TRAK2: variants seen among roughly 807,000 people sequenced by gnomAD.
TRAK2 encodes the protein trafficking kinesin protein 2.
A neutral mutation model predicts 104.6 loss-of-function variants in TRAK2; 81 were observed. That is an observed-to-expected ratio of 0.77 (90% CI 0.65 to 0.93). TRAK2 has a LOEUF of 0.93. TRAK2 is among the 40% of genes least tolerant of loss of function. TRAK2 has a pLI of 0.00. For missense variants in TRAK2, 1,002 were observed against 1,089.0 expected (o/e 0.92, Z 1.12); for synonymous variants, 406 against 394.4 (o/e 1.03, Z -0.35).
chr2:201,404,386 C>G (rs968339554), intron 3 of TRAK2, among the ~76,000 whole-genome samples: 1 of 152,106 alleles, frequency 6.6e-6, no homozygotes, highest in African/African-American at 2.4e-5. Context: ...ATCAGGGAGA[C>G]GATAGATATT....
Position 201,395,428 on chromosome 2 carries a change from C to T in TRAK2, c.786G>A (p.Gln262=), listed in dbSNP as rs1050373996. The T allele has an allele frequency of 1.9e-6, 3 of 1,547,914 alleles. No homozygotes were observed. Among genetic ancestry groups the T allele is most frequent in the African/African-American group, 1.4e-5 (1 of 73,782 alleles). Residue 262 remains glutamine (Q), a synonymous_variant, in exon 8 of 16, where the codon CAG becomes CAA. Coordinates refer to ENST00000332624, the MANE Select transcript of TRAK2 (RefSeq NM_015049.3). ...CVKELRETNA[Q]MSRMTEELSG... is the part of the protein sequence containing the mutation. ...ACAATTCTTCAGTCATTCTGGACAT[C>T]TGAGCATTTGTTTCACCTTGGAAGC...
At chr2:201,440,557 ACT>A (rs1951913110) in intron 1 of TRAK2, among the ~76,000 whole-genome samples, 1 of 151,952 alleles carries the variant, frequency 6.6e-6, no homozygotes, top group Non-Finnish European at 1.5e-5. Flanking sequence ...ACATGAACAC[ACT>A]CTGTCCTTTC....
At chr2:201,417,987 A>G (rs1324093154) in intron 2 of TRAK2, among the ~76,000 whole-genome samples, 1 of 152,198 alleles carries the variant, frequency 6.6e-6, no homozygotes, top group Non-Finnish European at 1.5e-5. Context: ...AAATTTAACA[A>G]AATATGTGCA....
intron 1 of TRAK2, among the ~76,000 whole-genome samples, chr2:201,450,920 G>A (rs958891840): frequency 1.3e-5 from 2 of 152,094 alleles, no homozygotes; most frequent in Non-Finnish European, 2.9e-5. Flanking sequence ...TCAATTGCAA[G>A]AAAAGCCCAA....
chr2:201,398,013 C>T, intron 6 of TRAK2, 132 bp downstream of exon 6: 1 of 838,048 alleles, frequency 1.2e-6, no homozygotes. Context: ...AAATACAGCT[C>T]CTTGTCCACG....
chr2:201,387,542 T>A (rs574094311), intron 13 of TRAK2, among the ~76,000 whole-genome samples, 161 bp downstream of exon 13: 2 of 152,312 alleles, frequency 1.3e-5, no homozygotes, highest in African/African-American at 4.8e-5. Flanking sequence ...TCATTAATTT[T>A]CCACAAAGTA....
At chr2:201,388,993 G>C (rs2241118) in intron 12 of TRAK2, among the ~76,000 whole-genome samples, 86,874 of 151,930 alleles carry the variant, frequency 0.57, 26,110 homozygotes, top group South Asian at 0.69. Flanking sequence ...ACAGCACCTC[G>C]ATGGTCCTCA....
At chr2:201,417,203 C>A (rs1576524870) in intron 2 of TRAK2, among the ~76,000 whole-genome samples, 1 of 125,462 alleles carries the variant, frequency 8.0e-6, no homozygotes, top group Non-Finnish European at 1.6e-5. Context: ...TTTACAAGGC[C>A]AGTATTACCT....
chr2:201,423,576 T>C (rs1359549855), intron 1 of TRAK2: 1 of 152,190 alleles, frequency 6.6e-6, no homozygotes, highest in Non-Finnish European at 1.5e-5. Flanking sequence ...AGTTGGTATA[T>C]AGTCCCTCAC....
chr2:201,389,942 C>G (rs1951430792), intron 10 of TRAK2, 62 bp from the exon 11 acceptor site: 1 of 1,265,772 alleles, frequency 7.9e-7, no homozygotes, highest in African/African-American at 1.5e-5. Context: ...AGAGTCTCTA[C>G]AATCCTATAC....
At chr2:201,397,068 TA>T (rs1951509085) in intron 7 of TRAK2, among the ~76,000 whole-genome samples, 1 of 152,186 alleles carries the variant, frequency 6.6e-6, no homozygotes, top group Admixed American at 6.5e-5. Flanking sequence ...TACCTCAAAC[TA>T]AAACACATTC....
intron 2 of TRAK2, among the ~76,000 whole-genome samples, chr2:201,417,217 T>A (rs1576524892): frequency 5.5e-5 from 3 of 54,828 alleles, no homozygotes; most frequent in Admixed American, 2.5e-4. Flanking sequence ...ATTACCTCAA[T>A]ATCAAAATAA....
At chr2:201,438,720 A>C (rs1951897567) in intron 1 of TRAK2, among the ~76,000 whole-genome samples, 1 of 152,218 alleles carries the variant, frequency 6.6e-6, no homozygotes, top group African/African-American at 2.4e-5. Flanking sequence ...ATATAGAAGA[A>C]GAAGAAAAAA....
At chr2:201,446,266 A>G (rs1423743332) in intron 1 of TRAK2, among the ~76,000 whole-genome samples, 1 of 152,096 alleles carries the variant, frequency 6.6e-6, no homozygotes, top group African/African-American at 2.4e-5. Context: ...TAGACACACC[A>G]GGAAATTCTC....
intron 1 of TRAK2, among the ~76,000 whole-genome samples, chr2:201,424,870 G>C (rs888288014): frequency 6.6e-6 from 1 of 152,018 alleles, no homozygotes; most frequent in Non-Finnish European, 1.5e-5. Flanking sequence ...GCCTCCCAAA[G>C]TGCTGGGATT....
intron 2 of TRAK2, chr2:201,412,491 A>G: frequency 1.7e-6 from 2 of 1,159,116 alleles, no homozygotes; most frequent in Non-Finnish European, 2.6e-6. Flanking sequence ...AACTCTTATA[A>G]ATGTCTTGCT....
intron 3 of TRAK2, 97 bp from the exon 4 acceptor site, chr2:201,401,191 G>A (rs1245676882): frequency 1.4e-6 from 1 of 704,750 alleles, no homozygotes; most frequent in Non-Finnish European, 2.2e-6. Flanking sequence ...AAAAACCCCA[G>A]CCTTTTACAA....
At chr2:201,449,877 A>T (rs1952000258) in intron 1 of TRAK2, among the ~76,000 whole-genome samples, 1 of 151,874 alleles carries the variant, frequency 6.6e-6, no homozygotes, top group African/African-American at 2.4e-5. Flanking sequence ...TCCTTTCAGT[A>T]GAGACGGGTT....
At chr2:201,449,143 CAG>C (rs543732917) in intron 1 of TRAK2, among the ~76,000 whole-genome samples, 4 of 152,156 alleles carry the variant, frequency 2.6e-5, no homozygotes, top group Non-Finnish European at 5.9e-5. Context: ...GAATTGTAGG[CAG>C]AGAGAATCAG....
Sources: gnomAD v4.1 joint callset for allele counts (sites outside exome capture counted in the v4.1 genomes callset) on GRCh38, gnomAD v4.1.1 for gene constraint, MANE v1.5 for transcripts, NCBI Gene and HGNC (gene_info 2026-07-23, HGNC 2026-07-21) for gene names.